NXPH1: variants seen among roughly 807,000 people sequenced by gnomAD.
NXPH1 encodes neurexophilin-1.
NXPH1 carries 5 observed loss-of-function variants against 23.7 expected under a neutral mutation model. The observed-to-expected ratio is 0.21, with a 90% CI of 0.11 to 0.44. The LOEUF (loss-of-function observed/expected upper bound fraction) is 0.44, where lower values mean the gene tolerates loss of function less well. Ranked by LOEUF, NXPH1 falls within the 20% of genes least tolerant of loss-of-function variation. NXPH1 has a pLI of 0.99. For synonymous variants in NXPH1, 144 were observed against 122.2 expected, an observed-to-expected ratio of 1.18 and a Z score of -1.18; for missense variants, 324 against 321.6, an observed-to-expected ratio of 1.01 and a Z score of -0.06.
chr7:8,638,568 A>C (rs750230098), intron 2 of NXPH1, among the ~76,000 whole-genome samples: 2 of 152,172 alleles, frequency 1.3e-5, no homozygotes, highest in Non-Finnish European at 2.9e-5. Flanking sequence ...TTAAGGATTG[A>C]TTGTTGTATT....
At chr7:8,622,811 G>A (rs543416945) in intron 2 of NXPH1, among the ~76,000 whole-genome samples, 3 of 152,308 alleles carry the variant, frequency 2.0e-5, no homozygotes, top group South Asian at 2.1e-4. Context: ...GTACAAGTGC[G>A]AGTAATCTCT....
chr7:8,642,752 A>G (rs773317811), intron 2 of NXPH1, among the ~76,000 whole-genome samples: 185 of 152,324 alleles, frequency 1.2e-3, no homozygotes, highest in Non-Finnish European at 2.1e-3. Context: ...ATCTAGGTCA[A>G]TGGAGAATAG....
intron 2 of NXPH1, among the ~76,000 whole-genome samples, chr7:8,558,965 T>TTTTTA: frequency 6.6e-6 from 1 of 151,878 alleles, no homozygotes; most frequent in African/African-American, 2.4e-5. Context: ...TATTGGGATC[T>TTTTTA]TTTTATTTTA....
At chr7:8,619,391 T>C (rs1401261612) in intron 2 of NXPH1, among the ~76,000 whole-genome samples, 1 of 152,226 alleles carries the variant, frequency 6.6e-6, no homozygotes, top group African/African-American at 2.4e-5. Flanking sequence ...ATGTGTCCAT[T>C]GCCAACTCTT....
chr7:8,519,637 C>T (rs1006233017), intron 2 of NXPH1, among the ~76,000 whole-genome samples: 9 of 152,258 alleles, frequency 5.9e-5, no homozygotes, highest in South Asian at 2.1e-4. Flanking sequence ...AAACAGCATT[C>T]ATTTCCTTGT....
chr7:8,637,268 A>C (rs1820231602), intron 2 of NXPH1, among the ~76,000 whole-genome samples: 1 of 151,028 alleles, frequency 6.6e-6, no homozygotes, highest in South Asian at 2.1e-4. Flanking sequence ...TTTAAACCAG[A>C]CTGGAGTTCA....
At chr7:8,525,779 C>T (rs185407970) in intron 2 of NXPH1, among the ~76,000 whole-genome samples, 7 of 152,358 alleles carry the variant, frequency 4.6e-5, no homozygotes, top group African/African-American at 1.7e-4. Context: ...AAGTCAAGAA[C>T]TGAGGTTTGC....
At chr7:8,576,851 T>G (rs1260949715) in intron 2 of NXPH1, among the ~76,000 whole-genome samples, 1 of 152,096 alleles carries the variant, frequency 6.6e-6, no homozygotes, top group Non-Finnish European at 1.5e-5. Flanking sequence ...AGGGTCAGAG[T>G]TATGTTTCCA....
chr7:8,527,193 C>T lies in NXPH1; in HGVS notation c.54+91426C>T, dbSNP rs142976639. Among the ~76,000 whole-genome samples the T allele has an allele frequency of 3.5e-4, 54 of 152,232 alleles. 1 individual carries two copies. The highest frequency in any genetic ancestry group is 2.1e-3 in the East Asian group (11 of 5,166). On this transcript the variant is annotated intron_variant, in intron 2 of 2. Coordinates refer to ENST00000405863, the MANE Select transcript of NXPH1 (RefSeq NM_152745.3). ...AGAAGGCAAGGCCATTTTGAGTGGC[C>T]GCTTCCTATTATGTGGAGATTCTGG... is the stretch of plus-strand genomic sequence containing the variant.
At chr7:8,484,257 T>C (rs1044754372) in intron 2 of NXPH1, among the ~76,000 whole-genome samples, 1 of 152,030 alleles carries the variant, frequency 6.6e-6, no homozygotes, top group Non-Finnish European at 1.5e-5. Flanking sequence ...ACCTCATATT[T>C]TGGGCCTTAC....
chr7:8,550,286 C>T (rs533414966), intron 2 of NXPH1, among the ~76,000 whole-genome samples: 6 of 151,630 alleles, frequency 4.0e-5, no homozygotes, highest in South Asian at 2.1e-4. Flanking sequence ...GAACATGAAA[C>T]GCCTGGGGGC....
At chr7:8,647,596 T>C (rs947889133) in intron 2 of NXPH1, among the ~76,000 whole-genome samples, 1 of 152,130 alleles carries the variant, frequency 6.6e-6, no homozygotes, top group Non-Finnish European at 1.5e-5. Context: ...GTGTGGTTTT[T>C]ATATCTCTAA....
chr7:8,511,269 T>C (rs1817606904), intron 2 of NXPH1, among the ~76,000 whole-genome samples: 1 of 152,144 alleles, frequency 6.6e-6, no homozygotes, highest in Non-Finnish European at 1.5e-5. Context: ...TGTTGGTGAC[T>C]TTCTGGGTTA....
intron 2 of NXPH1, among the ~76,000 whole-genome samples, chr7:8,540,968 G>A (rs566345800): frequency 1.1e-4 from 17 of 151,856 alleles, no homozygotes; most frequent in Admixed American, 6.6e-5. Context: ...CAAAGCTTAA[G>A]TATATTTATT....
chr7:8,676,883 A>G (rs1820961527), intron 2 of NXPH1, among the ~76,000 whole-genome samples: 1 of 152,188 alleles, frequency 6.6e-6, no homozygotes, highest in African/African-American at 2.4e-5. Flanking sequence ...AAGGGGGAAA[A>G]GACTTCTGAA....
chr7:8,623,237 G>A (rs539291101), intron 2 of NXPH1, among the ~76,000 whole-genome samples: 29 of 152,258 alleles, frequency 1.9e-4, no homozygotes, highest in South Asian at 1.0e-3. Context: ...GACTCTGGGA[G>A]ACGAATTAAA....
chr7:8,496,875 T>G (rs1342345697), intron 2 of NXPH1, among the ~76,000 whole-genome samples: 1 of 152,140 alleles, frequency 6.6e-6, no homozygotes, highest in Admixed American at 6.6e-5. Flanking sequence ...AAACAGATTT[T>G]TTAAAAATTA....
At chr7:8,594,617 C>G (rs1413213100) in intron 2 of NXPH1, among the ~76,000 whole-genome samples, 3 of 151,762 alleles carry the variant, frequency 2.0e-5, no homozygotes, top group African/African-American at 7.3e-5. Context: ...CAGCTGGCTT[C>G]CACAAAATGA....
intron 2 of NXPH1, among the ~76,000 whole-genome samples, chr7:8,555,841 G>A (rs138295447): frequency 4.5e-4 from 69 of 151,674 alleles, no homozygotes; most frequent in African/African-American, 1.5e-3. Context: ...AAAAAATCTG[G>A]CTTACATCTA....
Sources: gnomAD v4.1 joint callset for allele counts (sites outside exome capture counted in the v4.1 genomes callset) on GRCh38, gnomAD v4.1.1 for gene constraint, MANE v1.5 for transcripts, NCBI Gene and HGNC (gene_info 2026-07-23, HGNC 2026-07-21) for gene names.